SGCD: variants seen among roughly 807,000 people sequenced by gnomAD.
SGCD encodes the protein delta-sarcoglycan.
A neutral mutation model predicts 36.6 loss-of-function variants in SGCD; 18 were observed. The ratio of observed to expected loss-of-function variants is 0.49; its 90% CI spans 0.34 to 0.73. The LOEUF (loss-of-function observed/expected upper bound fraction) is 0.73. Among genes scored for constraint, SGCD ranks in the 30% least tolerant of loss-of-function variants. The pLI is 0.01. For synonymous variants in SGCD, 133 were observed against 130.6 expected (o/e 1.02, Z -0.12); for missense variants, 387 against 346.7 (o/e 1.12, Z -0.92).
intron 3 of SGCD, among the ~76,000 whole-genome samples, chr5:156,350,544 C>T (rs958726874): frequency 6.6e-6 from 1 of 152,004 alleles, no homozygotes; most frequent in African/African-American, 2.4e-5. Context: ...GCAATCTGGA[C>T]AAGCATCTTA....
chr5:156,664,363 G>T (rs2113638113), intron 7 of SGCD, among the ~76,000 whole-genome samples: 1 of 149,324 alleles, frequency 6.7e-6, no homozygotes, highest in East Asian at 2.0e-4. Flanking sequence ...GACCTTACCG[G>T]CTTTTTCATC....
intron 1 of SGCD, among the ~76,000 whole-genome samples, chr5:155,985,165 T>G (rs981510312): frequency 6.6e-6 from 1 of 152,200 alleles, no homozygotes; most frequent in Non-Finnish European, 1.5e-5. Flanking sequence ...TCTTTCTGTT[T>G]CCATTGGTCA....
intron 3 of SGCD, among the ~76,000 whole-genome samples, chr5:156,183,566 C>A (rs2127628357): frequency 6.6e-6 from 1 of 152,260 alleles, no homozygotes; most frequent in African/African-American, 2.4e-5. Context: ...CACCACTATA[C>A]CTGCCTAATT....
intron 7 of SGCD, among the ~76,000 whole-genome samples, chr5:156,744,675 C>T (rs984387944): frequency 6.6e-6 from 1 of 152,178 alleles, no homozygotes; most frequent in African/African-American, 2.4e-5. Flanking sequence ...ATATATCTGT[C>T]TCATTCATAG....
intron 3 of SGCD, among the ~76,000 whole-genome samples, chr5:156,294,713 GC>G (rs1766850980): frequency 6.6e-6 from 1 of 152,070 alleles, no homozygotes; most frequent in Admixed American, 6.6e-5. Flanking sequence ...TTTGTCAAAT[GC>G]TTTTTATGTA....
At chr5:155,823,096 AT>A in the SGCD span, among the ~76,000 whole-genome samples, 1 of 151,498 alleles carries the variant, frequency 6.6e-6, no homozygotes, top group Non-Finnish European at 1.5e-5. Flanking sequence ...CTATCTATCT[AT>A]CTATCTATCT....
intron 3 of SGCD, among the ~76,000 whole-genome samples, chr5:156,230,130 G>C (rs531519176): frequency 9.1e-4 from 139 of 151,952 alleles, no homozygotes; most frequent in South Asian, 3.1e-3. Context: ...CCTTTCTCTG[G>C]TGCTTCCCTG....
At chr5:155,924,163 A>G (rs188217577) in intron 1 of SGCD, among the ~76,000 whole-genome samples, 4 of 152,230 alleles carry the variant, frequency 2.6e-5, no homozygotes, top group Admixed American at 6.5e-5. Context: ...AAGAAAACAT[A>G]GTTGAAAGAA....
the SGCD span, among the ~76,000 whole-genome samples, chr5:155,854,014 A>G: frequency 6.6e-6 from 1 of 152,186 alleles, no homozygotes; most frequent in Admixed American, 6.5e-5. Context: ...TTTTCATAGG[A>G]AGAGTATTTT....
intron 4 of SGCD, among the ~76,000 whole-genome samples, chr5:156,509,349 C>G (rs886145628): frequency 6.6e-6 from 1 of 152,054 alleles, no homozygotes; most frequent in Non-Finnish European, 1.5e-5. Context: ...TGCTTGAACC[C>G]AGGAGGTGGA....
rs184476231 is a variant in SGCD at position 156,026,139 on chromosome 5, T to C, written c.-281-91739T>C. On this transcript the variant is annotated intron_variant, in intron 1 of 9. Coordinates refer to the SGCD transcript ENST00000517913. ...TGCCAGGCTCTCAGGAAGATAGAAATATGCAACTTAGTACTGTGGGTGGTA... is the reference window on the plus strand; with the variant it reads ...TGCCAGGCTCTCAGGAAGATAGAAACATGCAACTTAGTACTGTGGGTGGTA... Among the ~76,000 whole-genome samples, 118 of 152,298 alleles carry C rather than the reference T, an allele frequency of 7.7e-4. 1 individual carries two copies. The highest frequency in any genetic ancestry group is 1.4e-3 in the Non-Finnish European group (92 of 68,004).
chr5:155,987,397 C>A (rs1258922257), intron 1 of SGCD, among the ~76,000 whole-genome samples: 1 of 152,144 alleles, frequency 6.6e-6, no homozygotes, highest in Admixed American at 6.5e-5. Context: ...TCACTGTCCT[C>A]GTTTGGTTTC....
chr5:156,427,405 G>A (rs1773720929), intron 3 of SGCD, among the ~76,000 whole-genome samples: 1 of 152,000 alleles, frequency 6.6e-6, no homozygotes, highest in South Asian at 2.1e-4. Context: ...CTGAGATTTT[G>A]CTGAATTCAT....
At chr5:155,738,844 AGTAT>A in the SGCD span, among the ~76,000 whole-genome samples, 4 of 144,254 alleles carry the variant, frequency 2.8e-5, no homozygotes, top group African/African-American at 5.3e-5. Flanking sequence ...ACTGTGAGAG[AGTAT>A]GTATATGAGA....
intron 2 of SGCD, among the ~76,000 whole-genome samples, chr5:156,122,426 A>G (rs775011616): frequency 6.6e-6 from 1 of 152,152 alleles, no homozygotes; most frequent in African/African-American, 2.4e-5. Context: ...TGAGTTTACA[A>G]TTTTAAACAG....
At chr5:156,406,018 T>TAAAAGAAAAAAAAAAAA (rs1772381290) in intron 3 of SGCD, among the ~76,000 whole-genome samples, 1 of 103,984 alleles carries the variant, frequency 9.6e-6, no homozygotes, top group African/African-American at 4.1e-5. Flanking sequence ...TATCTTTGCT[T>TAAAAGAAAAAAAAAAAA]AAAAAAAAAA....
At chr5:155,736,295 ACCAAACTAAC>A in the SGCD span, among the ~76,000 whole-genome samples, 1 of 152,202 alleles carries the variant, frequency 6.6e-6, no homozygotes, top group Non-Finnish European at 1.5e-5. Flanking sequence ...CAAAAAGCTT[ACCAAACTAAC>A]CCAAACTAAC....
chr5:156,161,202 T>C (rs1368169511), intron 3 of SGCD, among the ~76,000 whole-genome samples: 1 of 151,804 alleles, frequency 6.6e-6, no homozygotes, highest in African/African-American at 2.4e-5. Context: ...CGGGAATTTT[T>C]GTTTTATCCT....
intron 4 of SGCD, among the ~76,000 whole-genome samples, chr5:156,571,960 G>T (rs920029748): frequency 1.3e-5 from 2 of 152,092 alleles, no homozygotes; most frequent in East Asian, 1.9e-4. Flanking sequence ...CTTTCTTGTG[G>T]AATTGCCTAC....
Sources: gnomAD v4.1 joint callset for allele counts (sites outside exome capture counted in the v4.1 genomes callset) on GRCh38, gnomAD v4.1.1 for gene constraint, MANE v1.5 for transcripts, NCBI Gene and HGNC (gene_info 2026-07-23, HGNC 2026-07-21) for gene names.